Variants in ATP11A observed in about 807,000 individuals in gnomAD.
ATP11A encodes the protein ATPase phospholipid transporting 11A, also known as phospholipid-transporting ATPase IH.
Under a neutral mutation model 154.4 loss-of-function variants are expected in ATP11A, and 81 were observed. That is an observed-to-expected ratio of 0.52 (90% CI 0.44 to 0.63). ATP11A has a LOEUF of 0.63. ATP11A is among the 30% of genes least tolerant of loss of function. ATP11A has a pLI of 0.00. For missense variants in ATP11A, 1,316 were observed against 1,474.3 expected, an observed-to-expected ratio of 0.89 and a Z score of 1.76; for synonymous variants, 623 against 585.9, an observed-to-expected ratio of 1.06 and a Z score of -0.91.
At chr13:112,876,794 G>A (rs535415753) in intron 28 of ATP11A, among the ~76,000 whole-genome samples, 1 of 152,292 alleles carries the variant, frequency 6.6e-6, no homozygotes, top group South Asian at 2.1e-4. Flanking sequence ...GGGGGCCGGG[G>A]CCCCAGCCCT....
In ATP11A at chr13:112,831,467, C is replaced by G; in HGVS notation, c.1314C>G (p.Pro438=). The G allele has an allele frequency of 6.2e-7, 1 of 1,614,180 alleles. No homozygotes were observed. The highest frequency in any genetic ancestry group is 1.1e-5 in the South Asian group (1 of 91,084). The change falls in exon 13 of 30, where the codon CCC becomes CCG. Residue 438 remains proline, a synonymous_variant. Coordinates refer to ENST00000375645, the MANE Select transcript of ATP11A (RefSeq NM_015205.3). ...GCATCGAAGGCCATGTCTACGTGCC[C>G]CACGTCATCTGCAACGGGCAGGTCC... is the stretch of plus-strand genomic sequence containing the variant. ...ECCIEGHVYV[P]HVICNGQVLP...
chr13:112,740,693 C>T (rs1165114530), intron 1 of ATP11A, among the ~76,000 whole-genome samples: 1 of 152,206 alleles, frequency 6.6e-6, no homozygotes, highest in Non-Finnish European at 1.5e-5. Flanking sequence ...TCAGTTTTCA[C>T]TGTAACTGGG....
At chr13:112,755,425 G>T (rs2076797933) in intron 1 of ATP11A, among the ~76,000 whole-genome samples, 1 of 152,180 alleles carries the variant, frequency 6.6e-6, no homozygotes, top group South Asian at 2.1e-4. Context: ...CACCCACAGG[G>T]CGCTTGCCAG....
At chr13:112,879,692 G>A (rs748656952) in intron 29 of ATP11A, among the ~76,000 whole-genome samples, 5 of 152,240 alleles carry the variant, frequency 3.3e-5, no homozygotes, top group Non-Finnish European at 5.9e-5. Context: ...CCTGCAGCCA[G>A]CACATGCCCG....
At chr13:112,766,110 G>A (rs992183506) in intron 1 of ATP11A, among the ~76,000 whole-genome samples, 5 of 151,972 alleles carry the variant, frequency 3.3e-5, no homozygotes, top group African/African-American at 4.8e-5. Flanking sequence ...TGGTGGAGAC[G>A]GACTTCTTAT....
rs3832910 is a variant in ATP11A at position 112,886,280 on chromosome 13, CCT to C, written c.*4415_*4416del. ...TGTTTAGACAGGCTGTGGGGACTCC[CCT>C]GAGTTGAGCCTTGGCCAGGGGTCCG... On this transcript the variant is annotated 3_prime_UTR_variant, in exon 30 of 30. Transcript: ENST00000375645. The C allele has an allele frequency of 0.19, 28,932 of 152,210 alleles. 3,173 individuals carry two copies. The highest frequency in any genetic ancestry group is 0.27 in the Admixed American group (4,056 of 15,292). 9.4% of individuals were successfully genotyped at this position (152,210 alleles called of 1,614,324 possible).
chr13:112,859,651 G>A lies in ATP11A; in HGVS notation c.2727+199G>A, dbSNP rs2080042696. Among the ~76,000 whole-genome samples the A allele has an allele frequency of 6.6e-6, 1 of 152,214 alleles. No individual in the cohort carries two copies. The highest frequency in any genetic ancestry group is 1.5e-5 in the Non-Finnish European group (1 of 68,034). On this transcript the variant is annotated intron_variant, in intron 23 of 29. Transcript: ENST00000375645. The surrounding 1 kb of genome is among the most constrained non-coding windows in gnomAD (Gnocchi z 4.3). ...CACGGAGCTGAGGAGTTGCCGTCCTGGAGGCCCCTTGTTCCATGTCTTCTG... is the reference window on the plus strand; with the variant it reads ...CACGGAGCTGAGGAGTTGCCGTCCTAGAGGCCCCTTGTTCCATGTCTTCTG...
chr13:112,858,616 G>C (rs998795342), intron 22 of ATP11A: 1 of 226,028 alleles, frequency 4.4e-6, no homozygotes, highest in Non-Finnish European at 8.9e-6. Flanking sequence ...TCCTTCCTGG[G>C]ATGTGGCTTG....
intron 26 of ATP11A, among the ~76,000 whole-genome samples, chr13:112,872,285 TTAGA>T (rs751250945): frequency 1.3e-5 from 2 of 152,242 alleles, no homozygotes; most frequent in Non-Finnish European, 2.9e-5. Flanking sequence ...GGTGATTTTC[TTAGA>T]TAGTGATGTA....
At chr13:112,765,661 T>C (rs1262673654) in intron 1 of ATP11A, among the ~76,000 whole-genome samples, 1 of 152,234 alleles carries the variant, frequency 6.6e-6, no homozygotes, top group African/African-American at 2.4e-5. Flanking sequence ...CTAAGAACCA[T>C]TCGATCTGAA....
At chr13:112,817,853 T>C (rs2078685831) in intron 6 of ATP11A, among the ~76,000 whole-genome samples, 1 of 152,264 alleles carries the variant, frequency 6.6e-6, no homozygotes, top group Non-Finnish European at 1.5e-5. Flanking sequence ...CTGGAATTAT[T>C]TGAGCCCTTT....
intron 11 of ATP11A, among the ~76,000 whole-genome samples, chr13:112,826,396 G>A (rs1279686170): frequency 6.6e-6 from 1 of 152,216 alleles, no homozygotes; most frequent in African/African-American, 2.4e-5. Context: ...TGCCGCTGGT[G>A]TCTGGTTGGC....
intron 2 of ATP11A, among the ~76,000 whole-genome samples, chr13:112,792,163 G>A (rs1239918381): frequency 6.6e-6 from 1 of 152,000 alleles, no homozygotes; most frequent in Non-Finnish European, 1.5e-5. Flanking sequence ...TACCTCTTTT[G>A]CTAATGGAAC....
At chr13:112,724,075 G>A (rs1889523852) in intron 1 of ATP11A, among the ~76,000 whole-genome samples, 1 of 150,076 alleles carries the variant, frequency 6.7e-6, no homozygotes, top group Non-Finnish European at 1.5e-5. Context: ...CCCACTGCCT[G>A]GGTGTGGACC....
intron 1 of ATP11A, among the ~76,000 whole-genome samples, chr13:112,723,584 GTTTGT>G (rs1232548766): frequency 2.6e-5 from 4 of 151,246 alleles, no homozygotes; most frequent in Non-Finnish European, 5.9e-5. Context: ...AGTGTATTCT[GTTTGT>G]TTTATGATCT....
intron 2 of ATP11A, among the ~76,000 whole-genome samples, chr13:112,792,235 C>T (rs781168503): frequency 6.6e-6 from 1 of 152,124 alleles, no homozygotes; most frequent in Non-Finnish European, 1.5e-5. Context: ...GCTGGCCTGA[C>T]AGTAACCTTG....
rs572068957 is a variant in ATP11A at position 112,719,168 on chromosome 13, C to T, written c.39+28713C>T. Among the ~76,000 whole-genome samples the T allele has an allele frequency of 3.0e-4, 45 of 151,516 alleles. 2 individuals are homozygous for T. In the South Asian group the frequency reaches 9.0e-3, roughly 30 times the overall value. The stretch of plus-strand genomic sequence containing the variant: ...GATGCCCTGTGACGCGCAGGTGTGA[C>T]TTTGAATCGCGTCAAAGACCGTCTT... On this transcript the variant is annotated intron_variant, in intron 1 of 29. Coordinates refer to ENST00000375645, the MANE Select transcript of ATP11A (RefSeq NM_015205.3).
Position 112,885,588 on chromosome 13 carries a change from A to T in ATP11A, c.*3722A>T, listed in dbSNP as rs1399655577. 2 of 50,138 alleles carry T rather than the reference A, an allele frequency of 4.0e-5. No individual in the cohort carries two copies. The highest frequency in any genetic ancestry group is 7.8e-5 in the Non-Finnish European group (2 of 25,778). The allele number at this position is 50,138 out of a possible 1,614,324, so 3.1% of individuals were successfully genotyped here. ...CCAGACATGTAAACACACGTCTCCC[A>T]CACGTGAGCTCCCACACGTACACAT... On this transcript the variant is annotated 3_prime_UTR_variant, in exon 30 of 30. Transcript: ENST00000375645.
In ATP11A at chr13:112,697,727, GTTTTTTT is replaced by G. The variant is rs531749066; in HGVS notation, c.39+7292_39+7298del. 3.9e-5 allele frequency among the ~76,000 whole-genome samples: 5 copies of G among 126,612 alleles called. No homozygotes were observed. Among genetic ancestry groups the G allele is most frequent in the Non-Finnish European group, 1.6e-5 (1 of 62,304 alleles). 83.1% of individuals were successfully genotyped at this position (126,612 alleles called of 152,430 possible). A position where few individuals can be genotyped will look rare whatever the true frequency, so the allele number is the denominator to read the frequency against. ...GGATTTGTGCCACGACGCCCGGCCA[GTTTTTTT>G]TTTTTTTTTTTTTTTTTTTAGTAGA... On this transcript the variant is annotated intron_variant, in intron 1 of 29. Transcript: ENST00000375645. The surrounding 1 kb of genome is among the most constrained non-coding windows in gnomAD (Gnocchi z 4.0).
Sources: allele counts gnomAD v4.1 joint callset (sites outside exome capture counted in the v4.1 genomes callset), GRCh38; gene constraint gnomAD v4.1.1; non-coding constraint Gnocchi (gnomAD v3.1); transcripts MANE v1.5; gene names NCBI Gene and HGNC (gene_info 2026-07-23, HGNC 2026-07-21).